GATAD2B: variants seen among roughly 807,000 people sequenced by gnomAD.
The protein encoded by GATAD2B is GATA zinc finger domain containing 2B, also known as transcriptional repressor p66-beta.
A neutral mutation model predicts 64.3 loss-of-function variants in GATAD2B; 8 were observed. The observed-to-expected ratio is 0.12, with a 90% confidence interval of 0.07 to 0.22. The LOEUF is 0.22. Ranked by LOEUF, GATAD2B falls within the 10% of genes least tolerant of loss-of-function variation. The pLI, the probability that GATAD2B is intolerant of heterozygous loss-of-function variation, is 1.00. For missense variants in GATAD2B, 453 were observed against 752.0 expected, an observed-to-expected ratio of 0.60 and a Z score of 4.65; for synonymous variants, 281 against 271.3, an observed-to-expected ratio of 1.04 and a Z score of -0.35.
chr1:153,877,489 G>A (rs1676873863), intron 1 of GATAD2B, among the ~76,000 whole-genome samples: 2 of 152,022 alleles, frequency 1.3e-5, no homozygotes, highest in Admixed American at 1.3e-4. Context: ...TATCCTTTAA[G>A]AGAAGGTACT....
At chr1:153,922,353 G>A (rs1301687132) in intron 1 of GATAD2B, among the ~76,000 whole-genome samples, 1 of 150,552 alleles carries the variant, frequency 6.6e-6, no homozygotes, top group Non-Finnish European at 1.5e-5. Flanking sequence ...ATGAGGCAGG[G>A]AGTGAAAGCG....
rs1674093218 is a variant in GATAD2B at position 153,805,767 on chromosome 1, C to T, written c.*4410G>A. 1.3e-5 allele frequency: 2 copies of T among 152,182 alleles called. No individual in the cohort carries two copies. The highest frequency in any genetic ancestry group is 1.3e-4 in the Admixed American group (2 of 15,282). 9.4% of individuals were successfully genotyped at this position (152,182 alleles called of 1,614,324 possible). ...ATTGATACTCAGAAAATTAACTCTACCAAAGATCATATAGCAAGTTAGTAG... is the reference window on the plus strand; with the variant it reads ...ATTGATACTCAGAAAATTAACTCTATCAAAGATCATATAGCAAGTTAGTAG... On this transcript the variant is annotated 3_prime_UTR_variant, in exon 11 of 11. Transcript: ENST00000368655.
intron 1 of GATAD2B, among the ~76,000 whole-genome samples, chr1:153,836,560 T>TAA (rs944993342): frequency 2.9e-5 from 1 of 34,104 alleles, no homozygotes; most frequent in African/African-American, 5.6e-5. Context: ...CTAAAAAAGT[T>TAA]AAAAAAAAAA....
chr1:153,822,260 A>T (rs1442524961), intron 2 of GATAD2B, among the ~76,000 whole-genome samples: 1 of 152,192 alleles, frequency 6.6e-6, no homozygotes, highest in African/African-American at 2.4e-5. Flanking sequence ...AGCTCTTTCT[A>T]TTCTGGTCCT....
intron 1 of GATAD2B, among the ~76,000 whole-genome samples, chr1:153,878,408 G>C (rs758886488): frequency 2.6e-5 from 4 of 152,024 alleles, no homozygotes; most frequent in Non-Finnish European, 4.4e-5. Context: ...TTACGGCTGT[G>C]AGCCACTGTG....
At chr1:153,895,098 C>T (rs548777134) in intron 1 of GATAD2B, among the ~76,000 whole-genome samples, 5 of 152,158 alleles carry the variant, frequency 3.3e-5, no homozygotes, top group South Asian at 2.1e-4. Context: ...GCAGATGTTG[C>T]GGTGAACCAA....
chr1:153,845,371 A>C (rs1257333320), intron 1 of GATAD2B, among the ~76,000 whole-genome samples: 1 of 150,316 alleles, frequency 6.7e-6, no homozygotes, highest in Non-Finnish European at 1.5e-5. Flanking sequence ...ACAGAGCCAG[A>C]CCCTGTATCA....
At chr1:153,917,189 C>G (rs1678298342) in intron 1 of GATAD2B, among the ~76,000 whole-genome samples, 1 of 149,300 alleles carries the variant, frequency 6.7e-6, no homozygotes, top group South Asian at 2.1e-4. Flanking sequence ...ACCTCCACCT[C>G]CTGGGTTCAA....
intron 1 of GATAD2B, among the ~76,000 whole-genome samples, chr1:153,894,761 C>T (rs908248015): frequency 1.3e-5 from 2 of 152,182 alleles, no homozygotes; most frequent in South Asian, 2.1e-4. Context: ...ACTTGGCAGG[C>T]TGAGGCAGGA....
chr1:153,841,450 A>G (rs912646614), intron 1 of GATAD2B, among the ~76,000 whole-genome samples: 4 of 151,994 alleles, frequency 2.6e-5, no homozygotes, highest in Admixed American at 1.3e-4. Context: ...ATCCCCTCCC[A>G]TCTCCTGCCA....
intron 3 of GATAD2B, among the ~76,000 whole-genome samples, chr1:153,819,282 G>A (rs921730764): frequency 2.6e-5 from 4 of 152,184 alleles, no homozygotes; most frequent in African/African-American, 9.7e-5. Context: ...TTCATATTCA[G>A]TTACTTAGGT....
At chr1:153,890,243 A>G (rs989182890) in intron 1 of GATAD2B, among the ~76,000 whole-genome samples, 1 of 151,604 alleles carries the variant, frequency 6.6e-6, no homozygotes, top group Non-Finnish European at 1.5e-5. Flanking sequence ...TAATCCCAAC[A>G]CTATGGGAGG....
At chr1:153,890,022 A>G (rs1677322145) in intron 1 of GATAD2B, among the ~76,000 whole-genome samples, 2 of 151,862 alleles carry the variant, frequency 1.3e-5, no homozygotes, top group Non-Finnish European at 1.5e-5. Flanking sequence ...AAGATACAAA[A>G]AATTAGCCAG....
chr1:153,881,718 G>A (rs550378327), intron 1 of GATAD2B, among the ~76,000 whole-genome samples: 1 of 152,258 alleles, frequency 6.6e-6, no homozygotes, highest in South Asian at 2.1e-4. Flanking sequence ...AAGTGAGAGA[G>A]ATAAGAAATA....
rs1248177387 is a variant in GATAD2B, at chr1:153,811,073, G to A, written c.1648+658C>T. ...AGCCACCACGCCCAGCCAATTTTTT[G>A]TATTTTTAGTAGAGACAGGGTTTCA... On this transcript the variant is annotated intron_variant, in intron 10 of 10. Transcript: ENST00000368655. 2.6e-5 allele frequency among the ~76,000 whole-genome samples: 4 copies of A among 152,050 alleles called. 1 individual carries two copies. Among genetic ancestry groups the A allele is most frequent in the Admixed American group, 2.0e-4 (3 of 15,252 alleles).
chr1:153,827,245 C>CA (rs545259062), intron 2 of GATAD2B, among the ~76,000 whole-genome samples: 509 of 48,966 alleles, frequency 0.01, 2 homozygotes, highest in South Asian at 0.027. Context: ...GACCTTGCCT[C>CA]AAAAAAAAAA....
chr1:153,850,824 G>A lies in GATAD2B; in HGVS notation c.-1-22476C>T, dbSNP rs1043756396. On this transcript the variant is annotated intron_variant, in intron 1 of 10. Transcript: ENST00000368655. Reference sequence around the variant, plus strand: ...TAATCTCAGCTACTCAGGAGGCTGCGGCAGGAGAATCGCTTGAACCTAGGA... The same window carrying A: ...TAATCTCAGCTACTCAGGAGGCTGCAGCAGGAGAATCGCTTGAACCTAGGA... Among the ~76,000 whole-genome samples, 9 of 152,042 alleles carry A rather than the reference G, an allele frequency of 5.9e-5. No individual in the cohort carries two copies. In the South Asian group the frequency reaches 6.3e-4, roughly 11 times the overall value.
At chr1:153,876,757 C>A (rs541542947) in intron 1 of GATAD2B, among the ~76,000 whole-genome samples, 2 of 152,326 alleles carry the variant, frequency 1.3e-5, no homozygotes, top group South Asian at 4.1e-4. Context: ...AATCCCAATA[C>A]TTTGGGAGGC....
chr1:153,822,867 C>G (rs933585514), intron 2 of GATAD2B, among the ~76,000 whole-genome samples: 1 of 151,986 alleles, frequency 6.6e-6, no homozygotes, highest in Non-Finnish European at 1.5e-5. Flanking sequence ...GGAAGGAGTG[C>G]AGTGGTGCAA....
Sources: gnomAD v4.1 joint callset for allele counts (sites outside exome capture counted in the v4.1 genomes callset) on GRCh38, gnomAD v4.1.1 for gene constraint, MANE v1.5 for transcripts, NCBI Gene and HGNC (gene_info 2026-07-23, HGNC 2026-07-21) for gene names.